The following FAM13A variants were observed in gnomAD, a reference collection of about 807,000 sequenced individuals.
FAM13A encodes family with sequence similarity 13 member A.
In FAM13A, 76 loss-of-function variants were observed where a neutral mutation model predicts 129.6. That is an observed-to-expected ratio of 0.59 (90% CI 0.49 to 0.71). The LOEUF (loss-of-function observed/expected upper bound fraction) is 0.71. Among genes scored for constraint, FAM13A ranks in the 30% least tolerant of loss-of-function variants. The probability of loss-of-function intolerance (pLI) is 0.00; values close to 1 mark genes in which losing one functional copy is unlikely to be tolerated. For missense variants in FAM13A, 1,108 were observed against 1,249.3 expected (o/e 0.89, Z 1.70); for synonymous variants, 443 against 449.9 (o/e 0.98, Z 0.20).
At chr4:88,776,623 T>G (rs1721765174) in intron 11 of FAM13A, among the ~76,000 whole-genome samples, 1 of 152,218 alleles carries the variant, frequency 6.6e-6, no homozygotes, top group Non-Finnish European at 1.5e-5. Flanking sequence ...TTCTCCATGA[T>G]TATAAATAGC....
At chr4:88,797,770 A>G (rs1364188188) in intron 8 of FAM13A, among the ~76,000 whole-genome samples, 2 of 152,038 alleles carry the variant, frequency 1.3e-5, no homozygotes, top group African/African-American at 4.8e-5. Flanking sequence ...CAGCCTTTCA[A>G]TTCCAAGCCT....
intron 7 of FAM13A, among the ~76,000 whole-genome samples, chr4:88,817,357 G>GT (rs1730960327): frequency 6.6e-6 from 1 of 152,256 alleles, no homozygotes; most frequent in African/African-American, 2.4e-5. Context: ...GAGGTCAGGA[G>GT]TTTGAGACTA....
At chr4:88,751,944 A>G (rs1315619567) in intron 14 of FAM13A, among the ~76,000 whole-genome samples, 1 of 152,184 alleles carries the variant, frequency 6.6e-6, no homozygotes, top group East Asian at 1.9e-4. Context: ...CATACTATAA[A>G]ATGTGCAAAA....
Position 88,874,720 on chromosome 4 carries a change from G to A in FAM13A, c.844-23537C>T, listed in dbSNP as rs532202449. Among the ~76,000 whole-genome samples, 15 of 152,240 alleles carry A rather than the reference G, an allele frequency of 9.9e-5. No individual in the cohort carries two copies. The South Asian group carries it at 1.9e-3, about 19-fold the overall frequency. On this transcript the variant is annotated intron_variant, in intron 6 of 23. Coordinates refer to ENST00000264344, the MANE Select transcript of FAM13A (RefSeq NM_014883.4). Reference sequence around the variant, plus strand: ...TGTGAAAATGGCCATACCGCCCAAGGTAATTTATAGATTCAATGCCATCCC... The same window carrying A: ...TGTGAAAATGGCCATACCGCCCAAGATAATTTATAGATTCAATGCCATCCC...
intron 7 of FAM13A, among the ~76,000 whole-genome samples, chr4:88,821,325 G>C (rs1219147529): frequency 1.3e-5 from 2 of 152,086 alleles, no homozygotes; most frequent in African/African-American, 4.8e-5. Flanking sequence ...ACGTAACAGC[G>C]CTCTTCAGAA....
chr4:88,982,742 T>C (rs1002262497), intron 4 of FAM13A, among the ~76,000 whole-genome samples: 1 of 152,236 alleles, frequency 6.6e-6, no homozygotes, highest in Non-Finnish European at 1.5e-5. Context: ...GGGATTTCCT[T>C]AGAAAAATCA....
At chr4:89,003,261 G>A (rs1204905205) in intron 3 of FAM13A, among the ~76,000 whole-genome samples, 1 of 143,284 alleles carries the variant, frequency 7.0e-6, no homozygotes, top group African/African-American at 2.5e-5. Context: ...TAAGTTAACA[G>A]TGGAGTTGTT....
chr4:88,852,093 C>A (rs549104779), intron 6 of FAM13A, among the ~76,000 whole-genome samples: 2 of 152,088 alleles, frequency 1.3e-5, no homozygotes, highest in Admixed American at 6.5e-5. Context: ...TGCTTAAAAC[C>A]AAACCAATCC....
chr4:88,880,859 T>C (rs1186408889), intron 6 of FAM13A, among the ~76,000 whole-genome samples: 2 of 148,454 alleles, frequency 1.3e-5, no homozygotes, highest in Non-Finnish European at 3.0e-5. Flanking sequence ...CTGTAACTGC[T>C]GGCTTTTCCC....
At position 88,786,075 on chromosome 4, in the gene FAM13A, C is replaced by A. The variant is rs753788284; in HGVS notation, c.1271+1678G>T. Among the ~76,000 whole-genome samples, 3 of 152,104 alleles carry A rather than the reference C, an allele frequency of 2.0e-5. No individual in the cohort carries two copies. The East Asian group carries it at 5.8e-4, about 29-fold the overall frequency. On this transcript the variant is annotated intron_variant, in intron 10 of 23. Coordinates refer to ENST00000264344, the MANE Select transcript of FAM13A (RefSeq NM_014883.4). ...CAAGATAACTTATGCAAGAAATGTCCCTGGGCTTGGGAAGCTCTCTATTTA... is the reference window on the plus strand; with the variant it reads ...CAAGATAACTTATGCAAGAAATGTCACTGGGCTTGGGAAGCTCTCTATTTA...
intron 19 of FAM13A, among the ~76,000 whole-genome samples, chr4:88,743,880 CAAG>C (rs1740752198): frequency 6.6e-6 from 1 of 152,222 alleles, no homozygotes; most frequent in Non-Finnish European, 1.5e-5. Flanking sequence ...CTTAGTAAAA[CAAG>C]AAGTAGTTTG....
chr4:88,764,018 C>T (rs1745286269), intron 13 of FAM13A, among the ~76,000 whole-genome samples: 1 of 152,146 alleles, frequency 6.6e-6, no homozygotes, highest in Non-Finnish European at 1.5e-5. Context: ...AACAGTCATC[C>T]ATTCTATAAA....
chr4:88,879,925 C>T (rs1307606847), intron 6 of FAM13A, among the ~76,000 whole-genome samples: 2 of 152,076 alleles, frequency 1.3e-5, no homozygotes, highest in Non-Finnish European at 2.9e-5. Flanking sequence ...ACTATTCAGG[C>T]TGAATTTTTA....
At chr4:88,776,668 T>C (rs535996887) in intron 11 of FAM13A, among the ~76,000 whole-genome samples, 1 of 152,136 alleles carries the variant, frequency 6.6e-6, no homozygotes, top group Non-Finnish European at 1.5e-5. Context: ...ATGGTTTTTT[T>C]GATATTTAAG....
intron 8 of FAM13A, among the ~76,000 whole-genome samples, chr4:88,801,734 G>A (rs1030803138): frequency 2.0e-5 from 3 of 152,110 alleles, no homozygotes; most frequent in Non-Finnish European, 2.9e-5. Flanking sequence ...TATAATCCAG[G>A]AATTTGTAAA....
chr4:88,827,553 C>T (rs1206230753), intron 7 of FAM13A, among the ~76,000 whole-genome samples: 1 of 152,158 alleles, frequency 6.6e-6, no homozygotes, highest in Non-Finnish European at 1.5e-5. Context: ...TTCAAGACTT[C>T]ATATTATCTG....
At chr4:88,854,849 C>T (rs1444055656) in intron 6 of FAM13A, among the ~76,000 whole-genome samples, 6 of 152,168 alleles carry the variant, frequency 3.9e-5, no homozygotes, top group African/African-American at 1.2e-4. Flanking sequence ...TTCTTTGAGA[C>T]AGTAAAATTA....
In FAM13A at chr4:88,856,325, T is replaced by TA. The variant is rs371348679; in HGVS notation, c.844-5143dup. On this transcript the variant is annotated intron_variant, in intron 6 of 23. Coordinates refer to ENST00000264344, the MANE Select transcript of FAM13A (RefSeq NM_014883.4). ...TGAGACCCTGTCTCTACAAAATAAT[T>TA]AAAAAAAAAATAGCCAGGCCTTGTA... Among the ~76,000 whole-genome samples, 1,417 of 147,446 alleles carry TA rather than the reference T, an allele frequency of 9.6e-3. 19 individuals carry two copies. The highest frequency in any genetic ancestry group is 0.031 in the African/African-American group (1,238 of 40,204).
intron 4 of FAM13A, among the ~76,000 whole-genome samples, chr4:88,942,428 G>A (rs1338792539): frequency 6.6e-6 from 1 of 151,850 alleles, no homozygotes; most frequent in Non-Finnish European, 1.5e-5. Flanking sequence ...TTAGCCGGGT[G>A]TGGTGGTGCA....
Sources: allele counts gnomAD v4.1 joint callset (sites outside exome capture counted in the v4.1 genomes callset), GRCh38; gene constraint gnomAD v4.1.1; transcripts MANE v1.5; gene names NCBI Gene and HGNC (gene_info 2026-07-23, HGNC 2026-07-21).